NTRK1: variants seen among roughly 807,000 people sequenced by gnomAD.
The protein encoded by NTRK1 is neurotrophic receptor tyrosine kinase 1, also known as high affinity nerve growth factor receptor.
NTRK1 carries 62 observed loss-of-function variants against 86.8 expected under a neutral mutation model. The observed-to-expected ratio is 0.71, with a 90% CI of 0.58 to 0.88. NTRK1 has a LOEUF of 0.88. NTRK1 is among the 40% of genes least tolerant of loss of function. NTRK1 has a pLI of 0.00. For synonymous variants in NTRK1, 469 were observed against 456.6 expected, an observed-to-expected ratio of 1.03 and a Z score of -0.35; for missense variants, 967 against 1,078.4, an observed-to-expected ratio of 0.90 and a Z score of 1.45.
chr1:156,860,970 G>T lies in NTRK1; in HGVS notation c.36G>T (p.Trp12Cys). 1 of 1,517,504 alleles carries T rather than the reference G, an allele frequency of 6.6e-7. No individual in the cohort carries two copies. The allele number at this position is 1,517,504 out of a possible 1,614,324, so 94.0% of individuals were successfully genotyped here. ...GCGGACGGCGCGGGCAGCTTGGCTG[G>T]CACAGCTGGGCTGCGGGGCCGGGCA... ...LRGGRRGQLG[W>C]HSWAAGPGSL... is the part of the protein sequence containing the mutation. Residue 12 changes from tryptophan (W) to cysteine (C), a missense_variant, in exon 1 of 17, where the codon TGG becomes TGT. By Grantham distance (215) the Trp-to-Cys change is radical (BLOSUM62 -2). Coordinates refer to ENST00000524377, the MANE Select transcript of NTRK1 (RefSeq NM_002529.4).
In NTRK1 at chr1:156,831,830, G is replaced by T. The variant is rs1367878873; in HGVS notation, c.-63-10251G>T. Among the ~76,000 whole-genome samples the T allele has an allele frequency of 1.3e-5, 2 of 152,186 alleles. 1 individual carries two copies. Among genetic ancestry groups the T allele is most frequent in the South Asian group, 4.1e-4 (2 of 4,830 alleles). The stretch of plus-strand genomic sequence containing the variant: ...AGTGCTGGAACTAGAGGGCTAGAAG[G>T]GATGGGAGATTGAAGGGTTTCCCTC... On this transcript the variant is annotated intron_variant, in intron 1 of 16. Transcript: ENST00000392302.
rs760222071 is a variant in NTRK1 at position 156,875,628 on chromosome 1, G to A, written c.1463G>A (p.Gly488Asp). 16 of 1,613,466 alleles carry A rather than the reference G, an allele frequency of 9.9e-6. No individual in the cohort carries two copies. The highest frequency in any genetic ancestry group is 1.7e-5 in the Admixed American group (1 of 59,968). Residue 488 changes from glycine (G) to aspartate (D), a missense_variant, in exon 12 of 17, where the codon GGC becomes GAC. Transcript: ENST00000524377. ...GAGGGCAAAGGCTCTGGGCTCCAAG[G>A]CCACATCATCGAGAACCCACAATAC... The part of the protein sequence containing the change: ...PTEGKGSGLQ[G>D]HIIENPQYFS...
rs1408367120 is a variant in NTRK1 at position 156,874,373 on chromosome 1, C to T, written c.1178-10C>T. On this transcript the variant is annotated splice_polypyrimidine_tract_variant and intron_variant, in intron 8 of 16. Transcript: ENST00000524377. ...CCTCTGACTGCTTTCTCTCCTCCCT[C>T]CTGCTGCAGTCTCCTTCTCGCCGGT... The T allele has an allele frequency of 1.9e-6, 3 of 1,614,062 alleles. No homozygotes were observed. The highest frequency in any genetic ancestry group is 2.5e-6 in the Non-Finnish European group (3 of 1,180,032).
At chr1:156,877,829 G>C (rs911502284) in intron 14 of NTRK1, among the ~76,000 whole-genome samples, 10 of 152,228 alleles carry the variant, frequency 6.6e-5, no homozygotes, top group African/African-American at 2.4e-4. Flanking sequence ...TCAGCTAGGA[G>C]AGACCCCTGA....
Position 156,874,929 on chromosome 1 carries a change from C to T in NTRK1, c.1275C>T (p.Ala425=), listed in dbSNP as rs763163213. ...PFGVSVAVGL[A]VFACLFLSTL... The stretch of plus-strand genomic sequence containing the variant: ...AGGTCTCGGTGGCTGTGGGCCTGGC[C>T]GTCTTTGCCTGCCTCTTCCTTTCTA... Residue 425 remains alanine (A), a synonymous_variant, in exon 11 of 17, where the codon GCC becomes GCT. Coordinates refer to ENST00000524377, the MANE Select transcript of NTRK1 (RefSeq NM_002529.4). 1.6e-5 allele frequency: 26 copies of T among 1,612,580 alleles called. No individual in the cohort carries two copies. Among genetic ancestry groups the T allele is most frequent in the African/African-American group, 4.0e-5 (3 of 74,462 alleles).
intron 2 of NTRK1, chr1:156,848,906 G>GC: frequency 6.8e-7 from 1 of 1,478,948 alleles, no homozygotes; most frequent in Non-Finnish European, 9.1e-7. Context: ...CTCCGGCCCC[G>GC]CCCCCGGCAC....
intron 1 of NTRK1, among the ~76,000 whole-genome samples, chr1:156,830,400 GC>G (rs1654436744): frequency 6.6e-6 from 1 of 152,136 alleles, no homozygotes; most frequent in South Asian, 2.1e-4. Flanking sequence ...GATAGAGGTA[GC>G]TGGGAAATAG....
At chr1:156,830,395 A>T (rs1264616180) in intron 1 of NTRK1, among the ~76,000 whole-genome samples, 1 of 152,010 alleles carries the variant, frequency 6.6e-6, no homozygotes, top group Non-Finnish European at 1.5e-5. Flanking sequence ...ACTGGGATAG[A>T]GGTAGCTGGG....
chr1:156,846,061 C>T, intron 2 of NTRK1: 13 of 1,612,036 alleles, frequency 8.1e-6, no homozygotes, highest in Non-Finnish European at 1.1e-5. Flanking sequence ...GCTTCCAGCG[C>T]ACCAGGAGGT....
At position 156,876,571 on chromosome 1, in the gene NTRK1, C is replaced by A. The variant is rs763758904; in HGVS notation, c.1804C>A (p.Arg602=). 1.2e-6 allele frequency: 2 copies of A among 1,611,248 alleles called. No individual in the cohort carries two copies. Among genetic ancestry groups the A allele is most frequent in the Non-Finnish European group, 1.7e-6 (2 of 1,179,328 alleles). The change falls in exon 14 of 17, where the codon CGA becomes AGA. Residue 602 remains arginine (R), a splice_region_variant and synonymous_variant. Coordinates refer to ENST00000524377, the MANE Select transcript of NTRK1 (RefSeq NM_002529.4). ...GCACGGGGACCTCAACCGCTTCCTC[C>A]GGTACCAGCACCTGGCCTCAGCGCT... ...MRHGDLNRFL[R]SHGPDAKLLA...
intron 1 of NTRK1, among the ~76,000 whole-genome samples, chr1:156,820,967 TGTTTTCTTTGTAGAGTTCCTTATAGA>T (rs1328123093): frequency 6.6e-6 from 1 of 152,206 alleles, no homozygotes; most frequent in Non-Finnish European, 1.5e-5. Context: ...CTTTCAGCAG[TGTTTTCTTTGTAGAGTTCCTTATAGA>T]GTTTTCTTTG....
chr1:156,838,092 G>A (rs1252353839), intron 1 of NTRK1, among the ~76,000 whole-genome samples: 1 of 152,076 alleles, frequency 6.6e-6, no homozygotes, highest in African/African-American at 2.4e-5. Flanking sequence ...TGCCACCGAG[G>A]CCTGGCTTAG....
intron 8 of NTRK1, 138 bp from the exon 9 acceptor site, chr1:156,874,245 C>T (rs553139306): frequency 1.5e-6 from 2 of 1,341,164 alleles, no homozygotes; most frequent in Non-Finnish European, 2.1e-6. Flanking sequence ...TCCTTGAGGC[C>T]CAGCAGCCCA....
In NTRK1 at chr1:156,880,292, C is replaced by G. The variant is rs1571704301; in HGVS notation, c.2205+135C>G. ...GGGGGGCCCTTTCCAGCGCCGTGCC[C>G]ACACTGTGTCCCCTCCACTGTGGCC... On this transcript the variant is annotated intron_variant, in intron 16 of 16. Coordinates refer to ENST00000524377, the MANE Select transcript of NTRK1 (RefSeq NM_002529.4). The G allele has an allele frequency of 5.8e-6, 5 of 867,156 alleles. No homozygotes were observed. The East Asian group carries it at 1.0e-4, about 18-fold the overall frequency. The allele number at this position is 867,156 out of a possible 1,614,324, so 53.7% of individuals were successfully genotyped here.
chr1:156,833,940 C>T (rs1654529622), intron 1 of NTRK1, among the ~76,000 whole-genome samples: 1 of 152,232 alleles, frequency 6.6e-6, no homozygotes, highest in African/African-American at 2.4e-5. Context: ...CCTCAACTCG[C>T]CTCTTTGTTC....
intron 1 of NTRK1, among the ~76,000 whole-genome samples, chr1:156,836,590 G>A (rs1236433971): frequency 6.6e-6 from 1 of 152,136 alleles, no homozygotes; most frequent in Non-Finnish European, 1.5e-5. Flanking sequence ...TTCACCCTGT[G>A]AGTGCCTCCC....
At chr1:156,835,727 C>A (rs1654582109) in intron 1 of NTRK1, among the ~76,000 whole-genome samples, 1 of 152,200 alleles carries the variant, frequency 6.6e-6, no homozygotes, top group Admixed American at 6.5e-5. Flanking sequence ...ATATCACAAC[C>A]AGATAACAAC....
chr1:156,868,587 G>T lies in NTRK1; in HGVS notation c.657G>T (p.Gly219=). ...DDVLLRCQVE[G]RGLEQAGWIL... ...TGCTGCTGCGGTGCCAGGTGGAGGG[G>T]CGGGGCCTGGAGCAGGCCGGCTGGA... Residue 219 remains glycine, a synonymous_variant, in exon 6 of 17, where the codon GGG becomes GGT. Coordinates refer to ENST00000524377, the MANE Select transcript of NTRK1 (RefSeq NM_002529.4). 6.4e-7 allele frequency: 1 copy of T among 1,552,132 alleles called. No homozygotes were observed. The highest frequency in any genetic ancestry group is 8.7e-7 in the Non-Finnish European group (1 of 1,147,506).
chr1:156,864,526 C>G, intron 2 of NTRK1, 98 bp downstream of exon 2: 4 of 1,305,934 alleles, frequency 3.1e-6, no homozygotes, highest in Non-Finnish European at 4.4e-6. Flanking sequence ...CTGGGAGGAC[C>G]TGAGAGGCTG....
Sources: allele counts gnomAD v4.1 joint callset (sites outside exome capture counted in the v4.1 genomes callset), GRCh38; gene constraint gnomAD v4.1.1; transcripts MANE v1.5; gene names NCBI Gene and HGNC (gene_info 2026-07-23, HGNC 2026-07-21).